SLCO2B1: variants seen among roughly 807,000 people sequenced by gnomAD.
SLCO2B1 encodes OATP-RP2.
In SLCO2B1, 41 loss-of-function variants were observed where a neutral mutation model predicts 67.3. The observed-to-expected ratio is 0.61, with a 90% CI of 0.47 to 0.79. The LOEUF (loss-of-function observed/expected upper bound fraction) is 0.79, where lower values mean the gene tolerates loss of function less well. Ranked by LOEUF, SLCO2B1 falls within the 30% of genes least tolerant of loss-of-function variation. SLCO2B1 has a pLI of 0.00. For missense variants in SLCO2B1, 837 were observed against 920.1 expected, an observed-to-expected ratio of 0.91 and a Z score of 1.17; for synonymous variants, 379 against 381.4, an observed-to-expected ratio of 0.99 and a Z score of 0.07.
At chr11:75,162,825 G>A (rs780738209) in intron 2 of SLCO2B1, 40 bp downstream of exon 2, 25 of 1,596,372 alleles carry the variant, frequency 1.6e-5, no homozygotes, top group Non-Finnish European at 2.0e-5. Context: ...GAGTCTAGAA[G>A]AGCAGGCTCT....
chr11:75,184,749 TG>T (rs1950129655), intron 7 of SLCO2B1, among the ~76,000 whole-genome samples: 1 of 152,188 alleles, frequency 6.6e-6, no homozygotes, highest in Admixed American at 6.5e-5. Context: ...GGCTCCTCGC[TG>T]CTCATGGAAC....
intron 9 of SLCO2B1, among the ~76,000 whole-genome samples, chr11:75,195,791 T>C (rs1945089670): frequency 6.6e-6 from 1 of 152,174 alleles, no homozygotes; most frequent in Admixed American, 6.5e-5. Context: ...TTAGCTGTGC[T>C]CCCCGCTAGC....
At chr11:75,164,316 G>A (rs1025581931) in intron 3 of SLCO2B1, among the ~76,000 whole-genome samples, 1 of 151,824 alleles carries the variant, frequency 6.6e-6, no homozygotes, top group Non-Finnish European at 1.5e-5. Context: ...CTAATGGGTC[G>A]GGTCCTGGAA....
intron 4 of SLCO2B1, 94 bp downstream of exon 4, chr11:75,166,043 C>G: frequency 2.1e-6 from 3 of 1,428,066 alleles, no homozygotes; most frequent in Non-Finnish European, 2.8e-6. Context: ...TGGCAGGATA[C>G]ACCCCAAAAC....
chr11:75,191,140 G>T (rs567998623), intron 8 of SLCO2B1, among the ~76,000 whole-genome samples: 1 of 152,232 alleles, frequency 6.6e-6, no homozygotes, highest in African/African-American at 2.4e-5. Flanking sequence ...GGCACAGGAT[G>T]GGGGAGGGAG....
intron 8 of SLCO2B1, among the ~76,000 whole-genome samples, chr11:75,192,079 C>T (rs1945029986): frequency 6.6e-6 from 1 of 152,118 alleles, no homozygotes; most frequent in Non-Finnish European, 1.5e-5. Flanking sequence ...ATTCCTTTTC[C>T]TCCTCGCTTT....
intron 7 of SLCO2B1, among the ~76,000 whole-genome samples, chr11:75,184,853 C>A (rs113576938): frequency 9.9e-5 from 15 of 152,228 alleles, no homozygotes; most frequent in East Asian, 3.9e-4. Flanking sequence ...GAGCCTCCCC[C>A]CTCTACTCAC....
At chr11:75,203,162 C>T in intron 12 of SLCO2B1, 145 bp from the exon 13 acceptor site, 1 of 1,299,350 alleles carries the variant, frequency 7.7e-7, no homozygotes, top group Non-Finnish European at 1.1e-6. Context: ...AGGAAGCCAC[C>T]TCGGATGCAG....
At chr11:75,176,154 G>A (rs1448049297) in intron 7 of SLCO2B1, among the ~76,000 whole-genome samples, 1 of 152,194 alleles carries the variant, frequency 6.6e-6, no homozygotes, top group Non-Finnish European at 1.5e-5. Context: ...AGGGTCTGTG[G>A]GGTAAAGATG....
At chr11:75,172,971 C>A (rs960471260) in intron 7 of SLCO2B1, among the ~76,000 whole-genome samples, 1 of 152,040 alleles carries the variant, frequency 6.6e-6, no homozygotes, top group Non-Finnish European at 1.5e-5. Flanking sequence ...GGGCACTATA[C>A]TTTCTGCCTG....
In SLCO2B1 at chr11:75,186,489, G is replaced by A. The variant is rs185578599; in HGVS notation, c.973-1647G>A. 7.6e-4 allele frequency among the ~76,000 whole-genome samples: 115 copies of A among 151,970 alleles called. 2 individuals are homozygous for A. Among genetic ancestry groups the A allele is most frequent in the Admixed American group, 5.9e-3 (90 of 15,258 alleles). On this transcript the variant is annotated intron_variant, in intron 7 of 13. Transcript: ENST00000289575. Reference sequence around the variant, plus strand: ...CTCCCAAAGTGCTGAGATTACAGGTGTGAGCCGCCACGCCCGACTGATTTT... The same window carrying A: ...CTCCCAAAGTGCTGAGATTACAGGTATGAGCCGCCACGCCCGACTGATTTT...
At chr11:75,167,709 C>G (rs1403237586) in intron 4 of SLCO2B1, among the ~76,000 whole-genome samples, 2 of 152,112 alleles carry the variant, frequency 1.3e-5, no homozygotes, top group African/African-American at 4.8e-5. Context: ...ACCCACCACT[C>G]TTAATGTTCA....
intron 8 of SLCO2B1, among the ~76,000 whole-genome samples, chr11:75,191,584 C>G (rs981196622): frequency 3.3e-5 from 5 of 152,172 alleles, no homozygotes; most frequent in African/African-American, 1.2e-4. Flanking sequence ...GGCTAGGGAA[C>G]CAGCTGGCTT....
intron 6 of SLCO2B1, 78 bp from the exon 7 acceptor site, chr11:75,172,301 A>C: frequency 1.5e-6 from 2 of 1,352,376 alleles, no homozygotes; most frequent in Non-Finnish European, 2.0e-6. Context: ...CATGTCTCAG[A>C]GGCCAGTCCC....
At chr11:75,202,195 T>C (rs1466029617) in intron 11 of SLCO2B1, 1 of 152,202 alleles carries the variant, frequency 6.6e-6, no homozygotes, top group Non-Finnish European at 1.5e-5. Flanking sequence ...AAATGGAGCC[T>C]CTTGCAAATA....
chr11:75,169,396 C>T lies in SLCO2B1; in HGVS notation c.672C>T (p.Pro224=). Reference sequence around the variant, plus strand: ...ACTTTGCCCACAACAGCAACTCGCCCCTCTACCTCGGTGAGGACCAGTGCC... The same window carrying T: ...ACTTTGCCCACAACAGCAACTCGCCTCTCTACCTCGGTGAGGACCAGTGCC... ...IDDFAHNSNS[P]LYLGILFAVT... The change falls in exon 5 of 14, where the codon CCC becomes CCT. Residue 224 remains proline, a synonymous_variant. Coordinates refer to ENST00000289575, the MANE Select transcript of SLCO2B1 (RefSeq NM_007256.5). The T allele has an allele frequency of 6.3e-7, 1 of 1,595,834 alleles. No individual in the cohort carries two copies. Among genetic ancestry groups the T allele is most frequent in the Non-Finnish European group, 8.6e-7 (1 of 1,168,780 alleles).
At chr11:75,167,388 A>T (rs1949906018) in intron 4 of SLCO2B1, among the ~76,000 whole-genome samples, 1 of 152,138 alleles carries the variant, frequency 6.6e-6, no homozygotes, top group South Asian at 2.1e-4. Flanking sequence ...CATGTTCTTC[A>T]TCCTTACTAC....
At chr11:75,179,305 C>T (rs180767278) in intron 7 of SLCO2B1, among the ~76,000 whole-genome samples, 3,275 of 132,462 alleles carry the variant, frequency 0.025, 50 homozygotes, top group Middle Eastern at 0.061. Context: ...GATCTTGGCT[C>T]ACTGCAACCT....
Position 75,205,398 on chromosome 11 carries a change from C to T in SLCO2B1, c.*818C>T, listed in dbSNP as rs1945257313. The T allele has an allele frequency of 1.3e-5, 2 of 152,304 alleles. No individual in the cohort carries two copies. Among genetic ancestry groups the T allele is most frequent in the South Asian group, 2.1e-4 (1 of 4,832 alleles). The allele number at this position is 152,304 out of a possible 1,614,324, so 9.4% of individuals were successfully genotyped here. A position where few individuals can be genotyped will look rare whatever the true frequency, so the allele number is the denominator to read the frequency against. On this transcript the variant is annotated 3_prime_UTR_variant, in exon 14 of 14. Coordinates refer to ENST00000289575, the MANE Select transcript of SLCO2B1 (RefSeq NM_007256.5). ...TGGGGTAGGGAGGGAGACTCAGGCC[C>T]ACACTTGGGTATTTTCTAATTTCAG...
Sources: allele counts gnomAD v4.1 joint callset (sites outside exome capture counted in the v4.1 genomes callset), GRCh38; gene constraint gnomAD v4.1.1; transcripts MANE v1.5; gene names NCBI Gene and HGNC (gene_info 2026-07-23, HGNC 2026-07-21).